Variants in SLC44A1 observed in about 807,000 individuals in gnomAD.
SLC44A1 encodes choline transporter-like protein 1.
Under a neutral mutation model 79.3 loss-of-function variants are expected in SLC44A1, and 26 were observed. The observed-to-expected ratio is 0.33, with a 90% CI of 0.24 to 0.46. The LOEUF (loss-of-function observed/expected upper bound fraction) is 0.46, where lower values mean the gene tolerates loss of function less well. SLC44A1 is among the 20% of genes least tolerant of loss of function. The pLI is 1.00. For synonymous variants in SLC44A1, 263 were observed against 286.2 expected, an observed-to-expected ratio of 0.92 and a Z score of 0.82; for missense variants, 688 against 798.1, an observed-to-expected ratio of 0.86 and a Z score of 1.66.
chr9:105,311,375 G>A (rs1198091302), intron 3 of SLC44A1, among the ~76,000 whole-genome samples: 25 of 152,086 alleles, frequency 1.6e-4, no homozygotes, highest in Admixed American at 1.6e-3. Flanking sequence ...GAGGAAAAGG[G>A]ATCTGCTCCG....
rs767251101 is a variant in SLC44A1 at position 105,392,146 on chromosome 9, T to G, written c.*3090T>G. 6.9e-5 allele frequency: 68 copies of G among 985,298 alleles called. No individual in the cohort carries two copies. Among genetic ancestry groups the G allele is most frequent in the Middle Eastern group, 5.2e-4 (1 of 1,936 alleles). The allele number at this position is 985,298 out of a possible 1,614,324, so 61.0% of individuals were successfully genotyped here. On this transcript the variant is annotated 3_prime_UTR_variant, in exon 16 of 16. Transcript: ENST00000374720. ...TAGCTAGAGCACTGAGATTGTATAA[T>G]CCTTGCATGGATGAGCAGAGCTCAA...
chr9:105,269,025 C>T (rs961439958), intron 1 of SLC44A1, among the ~76,000 whole-genome samples: 3 of 152,236 alleles, frequency 2.0e-5, no homozygotes, highest in Admixed American at 6.5e-5. Flanking sequence ...GGAATTTTCC[C>T]CAAGAAATTT....
intron 13 of SLC44A1, among the ~76,000 whole-genome samples, chr9:105,378,631 A>AT (rs1195434236): frequency 5.3e-5 from 8 of 152,094 alleles, no homozygotes; most frequent in African/African-American, 1.9e-4. Context: ...AGATAAATAC[A>AT]TTTTTTTAAT....
chr9:105,408,689 G>A (rs138082063), intron 15 of SLC44A1, among the ~76,000 whole-genome samples: 2,086 of 152,286 alleles, frequency 0.014, 60 homozygotes, highest in African/African-American at 0.048. Context: ...GGGATTACAG[G>A]CGTGAGCCAC....
chr9:105,341,613 G>A (rs1222665575), intron 4 of SLC44A1, among the ~76,000 whole-genome samples: 1 of 152,112 alleles, frequency 6.6e-6, no homozygotes, highest in East Asian at 1.9e-4. Flanking sequence ...ATTCATCTAG[G>A]AATATCCAGG....
chr9:105,429,742 T>G (rs1007774479), intron 15 of SLC44A1, among the ~76,000 whole-genome samples: 1 of 152,164 alleles, frequency 6.6e-6, no homozygotes, highest in Non-Finnish European at 1.5e-5. Context: ...TTGCAAATAG[T>G]AAAAACATTA....
intron 4 of SLC44A1, among the ~76,000 whole-genome samples, chr9:105,342,209 A>G (rs1827114924): frequency 1.3e-5 from 2 of 152,200 alleles, no homozygotes; most frequent in South Asian, 4.1e-4. Flanking sequence ...TTAATGGAAA[A>G]TTCCAAAAAT....
At chr9:105,307,281 G>T (rs1327060280) in intron 2 of SLC44A1, among the ~76,000 whole-genome samples, 2 of 152,148 alleles carry the variant, frequency 1.3e-5, no homozygotes, top group Non-Finnish European at 2.9e-5. Context: ...GCAGAGTGAG[G>T]GTTTGAATCC....
At chr9:105,292,334 A>G (rs765860511) in intron 1 of SLC44A1, among the ~76,000 whole-genome samples, 2 of 152,230 alleles carry the variant, frequency 1.3e-5, no homozygotes, top group African/African-American at 2.4e-5. Flanking sequence ...ACCCTACACA[A>G]TAAGTGTCAG....
chr9:105,315,971 C>A (rs1831312641), intron 3 of SLC44A1, among the ~76,000 whole-genome samples: 1 of 152,052 alleles, frequency 6.6e-6, no homozygotes, highest in Admixed American at 6.6e-5. Context: ...TCAGCTGTGT[C>A]CTACAGACCA....
At chr9:105,420,816 G>T (rs1291134743) in intron 15 of SLC44A1, among the ~76,000 whole-genome samples, 2 of 129,028 alleles carry the variant, frequency 1.6e-5, no homozygotes, top group Non-Finnish European at 3.1e-5. Flanking sequence ...AGCTGAGATC[G>T]CACCATTGCA....
chr9:105,348,432 A>G lies in SLC44A1; in HGVS notation c.481A>G (p.Lys161Glu), dbSNP rs1320317484. 4.4e-6 allele frequency: 7 copies of G among 1,607,332 alleles called. No individual in the cohort carries two copies. Among genetic ancestry groups the G allele is most frequent in the Non-Finnish European group, 6.0e-6 (7 of 1,174,108 alleles). Reference protein sequence around the residue: ...TSPKSSVLCPKLPVPASAPIP... With the variant: ...TSPKSSVLCPELPVPASAPIP... ...TCCAAAATCTTCTGTTCTCTGCCCC[A>G]AACTACCAGTTCCAGCGAGGTAAAT... Residue 161 changes from lysine to glutamate, a missense_variant, in exon 5 of 16, where the codon AAA (lysine) becomes GAA (glutamate). Transcript: ENST00000374720.
intron 3 of SLC44A1, among the ~76,000 whole-genome samples, chr9:105,329,834 A>T (rs1348631108): frequency 6.6e-6 from 1 of 151,934 alleles, no homozygotes; most frequent in Non-Finnish European, 1.5e-5. Flanking sequence ...TGTCTGGAAA[A>T]TTCCTACTCA....
At chr9:105,316,729 C>T (rs547918594) in intron 3 of SLC44A1, among the ~76,000 whole-genome samples, 13 of 152,236 alleles carry the variant, frequency 8.5e-5, no homozygotes, top group African/African-American at 3.1e-4. Flanking sequence ...TGAGTGACTC[C>T]ACTTTCCTGA....
chr9:105,332,114 GTTTC>G (rs1826768658), intron 3 of SLC44A1, among the ~76,000 whole-genome samples: 4 of 138,708 alleles, frequency 2.9e-5, no homozygotes, highest in African/African-American at 1.1e-4. Context: ...TTCCTTCTTT[GTTTC>G]TTTTTTTTTT....
chr9:105,246,127 G>A (rs771196911), intron 1 of SLC44A1, among the ~76,000 whole-genome samples: 1 of 152,164 alleles, frequency 6.6e-6, no homozygotes, highest in Non-Finnish European at 1.5e-5. Flanking sequence ...ATAAAGGATG[G>A]TTGGTTCTTG....
chr9:105,288,743 T>C (rs1244132172), intron 1 of SLC44A1, among the ~76,000 whole-genome samples: 4 of 152,258 alleles, frequency 2.6e-5, no homozygotes, highest in Non-Finnish European at 5.9e-5. Flanking sequence ...TGCTTTCAGT[T>C]TCTTAACCAA....
In SLC44A1 at chr9:105,389,460, C is replaced by T; in HGVS notation, c.*404C>T. 1 of 1,032,668 alleles carries T rather than the reference C, an allele frequency of 9.7e-7. No individual in the cohort carries two copies. Among genetic ancestry groups the T allele is most frequent in the Non-Finnish European group, 1.2e-6 (1 of 859,992 alleles). 64.0% of individuals were successfully genotyped at this position (1,032,668 alleles called of 1,614,324 possible). ...TCTAAAGTTTATTCAGGGGTAATTT[C>T]CCTGATGTCTGTATAAAATCAAGAT... On this transcript the variant is annotated 3_prime_UTR_variant, in exon 16 of 16. Coordinates refer to ENST00000374720, the MANE Select transcript of SLC44A1 (RefSeq NM_080546.5).
intron 13 of SLC44A1, among the ~76,000 whole-genome samples, chr9:105,381,568 A>G (rs1185530164): frequency 6.6e-6 from 1 of 152,066 alleles, no homozygotes; most frequent in African/African-American, 2.4e-5. Flanking sequence ...AAGAAGAAAA[A>G]GAAAAGAAAA....
Sources: gnomAD v4.1 joint callset for allele counts (sites outside exome capture counted in the v4.1 genomes callset) on GRCh38, gnomAD v4.1.1 for gene constraint, MANE v1.5 for transcripts, NCBI Gene and HGNC (gene_info 2026-07-23, HGNC 2026-07-21) for gene names.